SDK1: variants seen among roughly 807,000 people sequenced by gnomAD.
The protein encoded by SDK1 is sidekick cell adhesion molecule 1, also known as protein sidekick-1.
A neutral mutation model predicts 245.5 loss-of-function variants in SDK1; 157 were observed. The ratio of observed to expected loss-of-function variants is 0.64; its 90% confidence interval spans 0.56 to 0.73. The LOEUF (loss-of-function observed/expected upper bound fraction) is 0.73, where lower values mean the gene tolerates loss of function less well. Ranked by LOEUF, SDK1 falls within the 30% of genes least tolerant of loss-of-function variation. SDK1 has a pLI of 0.00. For missense variants in SDK1, 3,583 were observed against 3,002.3 expected (o/e 1.19, Z -4.52); for synonymous variants, 1,647 against 1,278.5 (o/e 1.29, Z -6.15).
intron 5 of SDK1, among the ~76,000 whole-genome samples, chr7:3,912,156 G>A (rs1180660277): frequency 2.0e-5 from 3 of 152,212 alleles, no homozygotes; most frequent in African/African-American, 4.8e-5. Flanking sequence ...GTTTAAAGCC[G>A]AGGAGCTACG....
chr7:3,578,520 A>G (rs1045334503), intron 1 of SDK1, among the ~76,000 whole-genome samples: 15 of 152,018 alleles, frequency 9.9e-5, no homozygotes, highest in African/African-American at 3.6e-4. Flanking sequence ...GGGTTTCCCA[A>G]TCCTGGTAAG....
intron 4 of SDK1, among the ~76,000 whole-genome samples, chr7:3,707,453 CT>C (rs1784922351): frequency 6.6e-6 from 1 of 152,184 alleles, no homozygotes. Flanking sequence ...TTTATCGAGA[CT>C]TGTTTTGTAA....
chr7:3,400,379 C>T lies in SDK1; in HGVS notation c.298+98495C>T, dbSNP rs373362210. ...TTTTCATTGTTTTTATGCATGGGAG[C>T]GTTTCCACAGATCTTCACTCCACCA... On this transcript the variant is annotated intron_variant, in intron 1 of 44. Transcript: ENST00000404826. 2.5e-4 allele frequency among the ~76,000 whole-genome samples: 38 copies of T among 152,124 alleles called. 2 individuals carry two copies. Among genetic ancestry groups the T allele is most frequent in the African/African-American group, 6.3e-4 (26 of 41,522 alleles).
intron 1 of SDK1, among the ~76,000 whole-genome samples, chr7:3,533,970 G>A (rs1263776379): frequency 1.3e-5 from 2 of 152,104 alleles, no homozygotes; most frequent in Admixed American, 6.6e-5. Flanking sequence ...ATACAGTATT[G>A]TGAATATAGG....
At chr7:3,939,826 A>G (rs1273663739) in intron 5 of SDK1, among the ~76,000 whole-genome samples, 2 of 152,210 alleles carry the variant, frequency 1.3e-5, no homozygotes, top group Non-Finnish European at 2.9e-5. Context: ...GAAAGCTCTT[A>G]ATTCCTTTGC....
At chr7:3,856,211 TA>T (rs1780541384) in intron 5 of SDK1, among the ~76,000 whole-genome samples, 1 of 152,114 alleles carries the variant, frequency 6.6e-6, no homozygotes, top group Non-Finnish European at 1.5e-5. Context: ...TAAGTTTCTG[TA>T]AATGTTAAAA....
intron 30 of SDK1, among the ~76,000 whole-genome samples, chr7:4,153,381 A>T (rs583904): frequency 0.22 from 33,602 of 151,880 alleles, 4,575 homozygotes; most frequent in African/African-American, 0.38. Context: ...AGGTCAGGAG[A>T]TCGAGCCCAT....
intron 5 of SDK1, among the ~76,000 whole-genome samples, chr7:3,852,286 C>T (rs574897565): frequency 8.6e-5 from 13 of 151,434 alleles, no homozygotes; most frequent in African/African-American, 1.9e-4. Flanking sequence ...CAGCCGAGAG[C>T]GACGGATGGC....
At chr7:3,639,901 G>GT (rs1407529833) in intron 3 of SDK1, among the ~76,000 whole-genome samples, 3 of 152,042 alleles carry the variant, frequency 2.0e-5, no homozygotes, top group African/African-American at 4.8e-5. Flanking sequence ...TCAGGCTGGA[G>GT]TGCAGTGGCA....
At chr7:3,539,869 T>C (rs1322881803) in intron 1 of SDK1, among the ~76,000 whole-genome samples, 1 of 152,156 alleles carries the variant, frequency 6.6e-6, no homozygotes, top group Non-Finnish European at 1.5e-5. Context: ...GGCCTCAGTA[T>C]AGGGGCAGAG....
chr7:4,226,153 A>T (rs1785432591), intron 40 of SDK1, among the ~76,000 whole-genome samples: 1 of 152,140 alleles, frequency 6.6e-6, no homozygotes, highest in African/African-American at 2.4e-5. Context: ...TTCCCACCGA[A>T]GCTCCCTGGC....
chr7:4,099,590 G>T (rs1404873920), intron 22 of SDK1, among the ~76,000 whole-genome samples: 2 of 111,962 alleles, frequency 1.8e-5, no homozygotes, highest in Non-Finnish European at 3.7e-5. Context: ...TGGGCTCTAG[G>T]TACAAAAGGT....
Position 3,686,870 on chromosome 7 carries a change from G to A in SDK1, c.713+44765G>A, listed in dbSNP as rs148400897. Among the ~76,000 whole-genome samples, 393 of 152,254 alleles carry A rather than the reference G, an allele frequency of 2.6e-3. 4 individuals are homozygous for A. The highest frequency in any genetic ancestry group is 9.2e-3 in the African/African-American group (383 of 41,554). ...AATTTCAGTAGGTTCCAGGGCACTG[G>A]GGCAGTCCCTTGTTGTCTGGTGCCT... On this transcript the variant is annotated intron_variant, in intron 4 of 44. Coordinates refer to ENST00000404826, the MANE Select transcript of SDK1 (RefSeq NM_152744.4).
At chr7:3,949,387 T>A (rs1194798872) in intron 5 of SDK1, among the ~76,000 whole-genome samples, 1 of 152,236 alleles carries the variant, frequency 6.6e-6, no homozygotes, top group Non-Finnish European at 1.5e-5. Context: ...CACAGAGCTG[T>A]GGGAAATCAG....
intron 1 of SDK1, among the ~76,000 whole-genome samples, chr7:3,589,538 A>C: frequency 6.6e-6 from 1 of 152,208 alleles, no homozygotes; most frequent in East Asian, 1.9e-4. Flanking sequence ...AGACTGGGTA[A>C]TTTATAAAGA....
At chr7:4,014,175 G>T (rs1160682633) in intron 16 of SDK1, among the ~76,000 whole-genome samples, 1 of 152,244 alleles carries the variant, frequency 6.6e-6, no homozygotes, top group Non-Finnish European at 1.5e-5. Flanking sequence ...AAGCCGTCAA[G>T]TAAGGACTTT....
Position 3,508,831 on chromosome 7 carries a change from A to C in SDK1, c.299-110249A>C, listed in dbSNP as rs117863034. Among the ~76,000 whole-genome samples, 30 of 152,310 alleles carry C rather than the reference A, an allele frequency of 2.0e-4. No homozygotes were observed. The East Asian group carries it at 5.6e-3, about 28-fold the overall frequency. On this transcript the variant is annotated intron_variant, in intron 1 of 44. Coordinates refer to ENST00000404826, the MANE Select transcript of SDK1 (RefSeq NM_152744.4). ...TTCTTTGAAGGCAGGAATGGCTGCT[A>C]TCAGTAGGTGCTCAATAAGTATTTG...
chr7:4,100,291 G>T (rs1172796915), intron 22 of SDK1, among the ~76,000 whole-genome samples: 2 of 152,156 alleles, frequency 1.3e-5, no homozygotes, highest in East Asian at 1.9e-4. Context: ...AGGGGCCATG[G>T]GGGGCAGACA....
intron 1 of SDK1, among the ~76,000 whole-genome samples, chr7:3,403,821 TTACATATATATATATATATA>T (rs1308894415): frequency 1.7e-5 from 1 of 57,682 alleles, no homozygotes; most frequent in Non-Finnish European, 3.3e-5. Flanking sequence ...TTGAAATATC[TTACATATATATATATATATA>T]TATATATATA....
Sources: allele counts gnomAD v4.1 joint callset (sites outside exome capture counted in the v4.1 genomes callset), GRCh38; gene constraint gnomAD v4.1.1; transcripts MANE v1.5; gene names NCBI Gene and HGNC (gene_info 2026-07-23, HGNC 2026-07-21).